CLSTN1: variants seen among roughly 807,000 people sequenced by gnomAD.
CLSTN1 encodes calsyntenin-1.
In CLSTN1, 28 loss-of-function variants were observed where a neutral mutation model predicts 108.3. The ratio of observed to expected loss-of-function variants is 0.26; its 90% CI spans 0.19 to 0.35. The LOEUF (loss-of-function observed/expected upper bound fraction) is 0.35. CLSTN1 is among the 10% of genes least tolerant of loss of function. The probability of loss-of-function intolerance (pLI) is 1.00; values close to 1 mark genes in which losing one functional copy is unlikely to be tolerated. For missense variants in CLSTN1, 1,157 were observed against 1,302.6 expected (o/e 0.89, Z 1.72); for synonymous variants, 524 against 534.9 (o/e 0.98, Z 0.28).
rs1319059059 is a variant in CLSTN1 at position 9,730,507 on chromosome 1, G to C, written c.*1C>G. 2 of 1,602,560 alleles carry C rather than the reference G, an allele frequency of 1.2e-6. No homozygotes were observed. The highest frequency in any genetic ancestry group is 3.3e-5 in the Admixed American group (2 of 60,012). On this transcript the variant is annotated 3_prime_UTR_variant, in exon 19 of 19. Coordinates refer to ENST00000377298, the MANE Select transcript of CLSTN1 (RefSeq NM_001009566.3). This position sits in a 1 kb window ranked among gnomAD's most constrained non-coding sequence, Gnocchi z 5.6. ...GAAACCGAGGTGGCCGGGGGCACGG[G>C]TCAGTAGCTGAGGGTGGAGTCATCC...
At position 9,744,509 on chromosome 1, in the gene CLSTN1, G is replaced by A; in HGVS notation, c.1120C>T (p.Pro374Ser). 2 of 1,612,966 alleles carry A rather than the reference G, an allele frequency of 1.2e-6. No homozygotes were observed. Among genetic ancestry groups the A allele is most frequent in the Non-Finnish European group, 1.7e-6 (2 of 1,179,926 alleles). Reference sequence around the variant, plus strand: ...GGGCTGACCGACACGACGCCATCCGGGATCCTCACTGCCTGGGTGCCGTTG... The same window carrying A: ...GGGCTGACCGACACGACGCCATCCGAGATCCTCACTGCCTGGGTGCCGTTG... ...EFNGTQAVRI[P>S]DGVVSVSPKE... Residue 374 changes from proline (P) to serine (S), a missense_variant, in exon 8 of 19, where the codon CCG (proline) becomes TCG (serine). Transcript: ENST00000377298.
At chr1:9,792,997 C>T (rs1329116148) in intron 1 of CLSTN1, among the ~76,000 whole-genome samples, 1 of 151,160 alleles carries the variant, frequency 6.6e-6, no homozygotes, top group Admixed American at 6.7e-5. Flanking sequence ...GGAGAAATCT[C>T]GATTAAAACG....
chr1:9,750,109 T>A (rs943059261), intron 5 of CLSTN1, 196 bp from the exon 6 acceptor site: 1 of 549,686 alleles, frequency 1.8e-6, no homozygotes, highest in Non-Finnish European at 3.2e-6. Context: ...CCTGAAGAGT[T>A]TCAACAGAAG....
In CLSTN1 at chr1:9,736,048, G is replaced by C; in HGVS notation, c.1577-6C>G. 2.5e-6 allele frequency: 4 copies of C among 1,614,114 alleles called. No homozygotes were observed. The highest frequency in any genetic ancestry group is 3.4e-6 in the Non-Finnish European group (4 of 1,180,038). ...GGTCATGTGCAGGTCGCCACCTTTG[G>C]GTCAGGGGAGAAAAGGCGAAGTCAG... On this transcript the variant is annotated splice_region_variant and splice_polypyrimidine_tract_variant and intron_variant, in intron 11 of 18. Coordinates refer to ENST00000377298, the MANE Select transcript of CLSTN1 (RefSeq NM_001009566.3).
chr1:9,758,694 T>C (rs912611857), intron 2 of CLSTN1, among the ~76,000 whole-genome samples: 4 of 152,230 alleles, frequency 2.6e-5, no homozygotes, highest in African/African-American at 9.6e-5. Context: ...TTTATTCATT[T>C]TCACTACTAC....
At position 9,766,886 on chromosome 1, in the gene CLSTN1, G is replaced by A. The variant is rs144761115; in HGVS notation, c.214+6386C>T. Among the ~76,000 whole-genome samples, 39 of 152,296 alleles carry A rather than the reference G, an allele frequency of 2.6e-4. 1 individual carries two copies. The East Asian group carries it at 7.5e-3, about 29-fold the overall frequency. On this transcript the variant is annotated intron_variant, in intron 2 of 18. Transcript: ENST00000377298. ...TGTCTGATTAGTGATGACTTACAAG[G>A]AGCTTCAATGACTAAGCTCCCAGCA...
chr1:9,790,512 T>C (rs1251164282), intron 1 of CLSTN1, among the ~76,000 whole-genome samples: 6 of 151,428 alleles, frequency 4.0e-5, no homozygotes, highest in Non-Finnish European at 7.4e-5. Context: ...TTCTTGCACA[T>C]TGTTTGATTT....
rs1652933239 is a variant in CLSTN1 at position 9,776,132 on chromosome 1, TCA to T, written c.92-2740_92-2739del. On this transcript the variant is annotated intron_variant, in intron 1 of 18. Coordinates refer to ENST00000377298, the MANE Select transcript of CLSTN1 (RefSeq NM_001009566.3). ...GGACTACAGGCGCTCACCACCACGC[TCA>T]GTTTCTGTATTTTTAGTAGAGACGG... is the stretch of plus-strand genomic sequence containing the variant. Among the ~76,000 whole-genome samples the T allele has an allele frequency of 4.6e-5, 7 of 152,018 alleles. No individual in the cohort carries two copies. In the South Asian group the frequency reaches 1.5e-3, roughly 32 times the overall value.
chr1:9,800,611 T>C (rs917788208), intron 1 of CLSTN1, among the ~76,000 whole-genome samples: 3 of 147,506 alleles, frequency 2.0e-5, no homozygotes, highest in African/African-American at 7.5e-5. Context: ...GCGCCTGTAG[T>C]CCCAGCTACT....
chr1:9,732,692 G>C (rs535185503), intron 16 of CLSTN1, among the ~76,000 whole-genome samples: 16 of 152,224 alleles, frequency 1.1e-4, no homozygotes, highest in Admixed American at 1.0e-3. Context: ...GTCTGTAGAC[G>C]ACCTCAGAGC....
intron 1 of CLSTN1, among the ~76,000 whole-genome samples, chr1:9,815,868 G>A (rs971165644): frequency 6.6e-6 from 1 of 152,108 alleles, no homozygotes. Flanking sequence ...CCCAGGAGGC[G>A]GAGGCTGCAG....
rs371917216 is a variant in CLSTN1 at position 9,729,389 on chromosome 1, G to GGGGA, written c.*1115_*1118dup. On this transcript the variant is annotated 3_prime_UTR_variant, in exon 19 of 19. Coordinates refer to ENST00000377298, the MANE Select transcript of CLSTN1 (RefSeq NM_001009566.3). ...ACCAAGCAAAGCAGCAGGGCTCCTG[G>GGGGA]GGGAGAGGGATTTCAACCCCCCTGA... 5 of 152,766 alleles carry GGGGA rather than the reference G, an allele frequency of 3.3e-5. No individual in the cohort carries two copies. Among genetic ancestry groups the GGGGA allele is most frequent in the African/African-American group, 1.2e-4 (5 of 41,554 alleles). 9.5% of individuals were successfully genotyped at this position (152,766 alleles called of 1,614,324 possible). A position where few individuals can be genotyped will look rare whatever the true frequency, so the allele number is the denominator to read the frequency against.
chr1:9,777,090 C>A (rs1269117162), intron 1 of CLSTN1, among the ~76,000 whole-genome samples: 1 of 151,616 alleles, frequency 6.6e-6, no homozygotes, highest in Non-Finnish European at 1.5e-5. Flanking sequence ...TGTGGTGACA[C>A]GCACCTGTAG....
intron 1 of CLSTN1, among the ~76,000 whole-genome samples, chr1:9,785,075 C>T (rs866978698): frequency 7.3e-5 from 11 of 151,628 alleles, no homozygotes; most frequent in Admixed American, 2.6e-4. Context: ...GCCACCACTC[C>T]CAGCTAATTT....
At chr1:9,769,599 G>T (rs750042589) in intron 2 of CLSTN1, among the ~76,000 whole-genome samples, 11 of 152,182 alleles carry the variant, frequency 7.2e-5, no homozygotes, top group Admixed American at 1.3e-4. Context: ...TGGTAGCCAG[G>T]GCTTGGGAGT....
At chr1:9,822,049 C>A (rs1660741) in intron 1 of CLSTN1, among the ~76,000 whole-genome samples, 124,515 of 152,194 alleles carry the variant, frequency 0.82, 52,282 homozygotes, top group Non-Finnish European at 0.92. Flanking sequence ...CCAATTTTAA[C>A]AAGAAATGGT....
chr1:9,760,797 G>A (rs1652036246), intron 2 of CLSTN1, among the ~76,000 whole-genome samples: 1 of 149,888 alleles, frequency 6.7e-6, no homozygotes. Flanking sequence ...CCTCAGAGCT[G>A]GGATTACAGG....
At chr1:9,776,634 T>A (rs1652956431) in intron 1 of CLSTN1, among the ~76,000 whole-genome samples, 1 of 152,118 alleles carries the variant, frequency 6.6e-6, no homozygotes, top group Admixed American at 6.6e-5. Context: ...TCCCGGCACT[T>A]ACTCGGCAGC....
intron 2 of CLSTN1, 72 bp from the exon 3 acceptor site, chr1:9,756,582 A>T (rs2101119506): frequency 7.5e-7 from 1 of 1,337,736 alleles, no homozygotes; most frequent in East Asian, 2.3e-5. Context: ...TAAGGAAAAA[A>T]GTCAAAGGTG....
Sources: gnomAD v4.1 joint callset for allele counts (sites outside exome capture counted in the v4.1 genomes callset) on GRCh38, gnomAD v4.1.1 for gene constraint, Gnocchi (gnomAD v3.1) non-coding constraint, MANE v1.5 for transcripts, NCBI Gene and HGNC (gene_info 2026-07-23, HGNC 2026-07-21) for gene names.